The following MALRD1 variants were observed in gnomAD, a reference collection of about 807,000 sequenced individuals.
The protein encoded by MALRD1 is MAM and LDL-receptor class A domain-containing protein 1.
In MALRD1, 247 loss-of-function variants were observed where a neutral mutation model predicts 242.1. The observed-to-expected ratio is 1.02, with a 90% CI of 0.92 to 1.13. The LOEUF is 1.13. MALRD1 is among the 50% of genes most tolerant of loss of function. The probability of loss-of-function intolerance (pLI) is 0.00; values close to 1 mark genes in which losing one functional copy is unlikely to be tolerated. For synonymous variants in MALRD1, 995 were observed against 866.6 expected, an observed-to-expected ratio of 1.15 and a Z score of -2.60; for missense variants, 2,989 against 2,533.1, an observed-to-expected ratio of 1.18 and a Z score of -3.86.
At chr10:19,283,638 T>A (rs1005805675) in intron 21 of MALRD1, among the ~76,000 whole-genome samples, 3 of 152,144 alleles carry the variant, frequency 2.0e-5, no homozygotes, top group African/African-American at 7.2e-5. Flanking sequence ...CATACATGTA[T>A]GAACACAGGT....
At chr10:19,568,651 C>G (rs540827659) in intron 33 of MALRD1, among the ~76,000 whole-genome samples, 3 of 151,766 alleles carry the variant, frequency 2.0e-5, no homozygotes, top group Admixed American at 6.6e-5. Context: ...CTTCATTACT[C>G]CTCCTAAACC....
Position 19,355,858 on chromosome 10 carries a change from T to TATATGATATATATATATA in MALRD1, c.4441+3561_4441+3562insATATGATATATATATATA, listed in dbSNP as rs57813656. On this transcript the variant is annotated intron_variant, in intron 26 of 39. Coordinates refer to ENST00000454679, the MANE Select transcript of MALRD1 (RefSeq NM_001142308.3). ...AGAACATATATTATATATATATATATTATATATGATATATATTAGCTAAGC... is the reference window on the plus strand; with the variant it reads ...AGAACATATATTATATATATATATATATATGATATATATATATATATATATGATATATATTAGCTAAGC... 1.6e-3 allele frequency among the ~76,000 whole-genome samples: 148 copies of TATATGATATATATATATA among 94,946 alleles called. 5 individuals are homozygous for TATATGATATATATATATA. Among genetic ancestry groups the TATATGATATATATATATA allele is most frequent in the African/African-American group, 5.1e-3 (139 of 27,204 alleles). The allele number at this position is 94,946 out of a possible 152,430, so 62.3% of individuals were successfully genotyped here.
chr10:19,110,634 C>T (rs1210639372), intron 5 of MALRD1, among the ~76,000 whole-genome samples: 1 of 152,134 alleles, frequency 6.6e-6, no homozygotes, highest in African/African-American at 2.4e-5. Context: ...CTGCTGACTG[C>T]TTTGTTATTT....
chr10:19,708,043 G>T (rs1833944059), intron 38 of MALRD1, among the ~76,000 whole-genome samples: 1 of 117,468 alleles, frequency 8.5e-6, no homozygotes, highest in Non-Finnish European at 1.9e-5. Flanking sequence ...ATTTAATACA[G>T]AAAGTGAGAA....
intron 14 of MALRD1, among the ~76,000 whole-genome samples, chr10:19,189,754 A>G (rs1835894239): frequency 6.6e-6 from 1 of 152,118 alleles, no homozygotes; most frequent in African/African-American, 2.4e-5. Flanking sequence ...ATTTGATACA[A>G]TTCAATATTT....
Position 19,654,819 on chromosome 10 carries a change from T to A in MALRD1, c.6138-37463T>A, listed in dbSNP as rs115157261. 1.5e-3 allele frequency among the ~76,000 whole-genome samples: 226 copies of A among 152,144 alleles called. 2 individuals are homozygous for A. The highest frequency in any genetic ancestry group is 5.2e-3 in the African/African-American group (218 of 41,534). ...AAGAGAATTAGACACAAGAAAGGAA[T>A]GTAAAAGATAGACACATCTGTGTGT... On this transcript the variant is annotated intron_variant, in intron 36 of 39. Coordinates refer to ENST00000454679, the MANE Select transcript of MALRD1 (RefSeq NM_001142308.3).
intron 4 of MALRD1, among the ~76,000 whole-genome samples, chr10:19,099,413 G>A (rs1485041541): frequency 6.6e-6 from 1 of 152,050 alleles, no homozygotes; most frequent in Non-Finnish European, 1.5e-5. Flanking sequence ...TGGCTTGAGT[G>A]CTGACCACTT....
chr10:19,446,443 T>A (rs1482634643), intron 28 of MALRD1, among the ~76,000 whole-genome samples: 1 of 152,196 alleles, frequency 6.6e-6, no homozygotes, highest in Non-Finnish European at 1.5e-5. Flanking sequence ...TTAAATGGTT[T>A]AAAAAAATGG....
At chr10:19,166,231 T>A (rs151110399) in intron 13 of MALRD1, among the ~76,000 whole-genome samples, 1,869 of 152,322 alleles carry the variant, frequency 0.012, 14 homozygotes, top group Non-Finnish European at 0.02. Context: ...AATATTTTAA[T>A]CCTATTGCCT....
At chr10:19,525,567 T>A (rs911702307) in intron 31 of MALRD1, among the ~76,000 whole-genome samples, 12 of 152,170 alleles carry the variant, frequency 7.9e-5, no homozygotes, top group African/African-American at 2.4e-4. Context: ...GATTTTAAGG[T>A]AAAAGTTGAA....
intron 33 of MALRD1, among the ~76,000 whole-genome samples, chr10:19,591,497 G>GTTTTTTTTTTTTTTTTTTTTTTTTT (rs35785107): frequency 1.7e-5 from 2 of 116,294 alleles, no homozygotes; most frequent in Admixed American, 8.9e-5. Flanking sequence ...TTTTATTTTA[G>GTTTTTTTTTTTTTTTTTTTTTTTTT]TTTTTTTTTT....
At chr10:19,125,314 CTTCCTTCCTTCTTTCT>C (rs1426151078) in intron 7 of MALRD1, among the ~76,000 whole-genome samples, 137 of 79,354 alleles carry the variant, frequency 1.7e-3, no homozygotes, top group African/African-American at 6.3e-3. Context: ...TCCTTCCTTC[CTTCCTTCCTTCTTTCT>C]TTCTTTCTTT....
chr10:19,183,566 C>A (rs1427038200), intron 14 of MALRD1, among the ~76,000 whole-genome samples: 1 of 152,172 alleles, frequency 6.6e-6, no homozygotes, highest in African/African-American at 2.4e-5. Flanking sequence ...CTCACTTTCA[C>A]AACCATCTTT....
At chr10:19,526,136 A>T (rs985827242) in intron 31 of MALRD1, among the ~76,000 whole-genome samples, 1 of 152,122 alleles carries the variant, frequency 6.6e-6, no homozygotes, top group African/African-American at 2.4e-5. Context: ...GGATTTTGCT[A>T]GATATAAATA....
chr10:19,256,305 A>T (rs544467492), intron 18 of MALRD1, among the ~76,000 whole-genome samples: 1 of 152,090 alleles, frequency 6.6e-6, no homozygotes, highest in Non-Finnish European at 1.5e-5. Flanking sequence ...ACCCAACTCT[A>T]TTTTTAAAAA....
intron 14 of MALRD1, among the ~76,000 whole-genome samples, chr10:19,197,637 C>G (rs916295908): frequency 6.6e-6 from 1 of 152,130 alleles, no homozygotes; most frequent in East Asian, 1.9e-4. Context: ...TGCTTCCTCA[C>G]CTACCTCCTT....
At chr10:19,381,500 G>T (rs1845836062) in intron 26 of MALRD1, among the ~76,000 whole-genome samples, 1 of 151,806 alleles carries the variant, frequency 6.6e-6, no homozygotes, top group African/African-American at 2.4e-5. Flanking sequence ...ATCATGTATT[G>T]CATTCTCTAT....
At chr10:19,634,428 G>A (rs1210337195) in intron 36 of MALRD1, among the ~76,000 whole-genome samples, 1 of 152,042 alleles carries the variant, frequency 6.6e-6, no homozygotes, top group African/African-American at 2.4e-5. Flanking sequence ...GACTTAGAGT[G>A]CCCATCACAT....
chr10:19,339,840 T>C (rs905190537), intron 24 of MALRD1, among the ~76,000 whole-genome samples: 2 of 152,156 alleles, frequency 1.3e-5, no homozygotes, highest in Non-Finnish European at 2.9e-5. Flanking sequence ...CTGGGTAATT[T>C]AAAAATAAAA....
Sources: gnomAD v4.1 joint callset for allele counts (sites outside exome capture counted in the v4.1 genomes callset) on GRCh38, gnomAD v4.1.1 for gene constraint, MANE v1.5 for transcripts, NCBI Gene and HGNC (gene_info 2026-07-23, HGNC 2026-07-21) for gene names.